TMEM94: variants seen among roughly 807,000 people sequenced by gnomAD.
The protein encoded by TMEM94 is ER Mg2+ ATPase.
Under a neutral mutation model 158.6 loss-of-function variants are expected in TMEM94, and 81 were observed. That is an observed-to-expected ratio of 0.51 (90% CI 0.43 to 0.61). The LOEUF is 0.61. TMEM94 is among the 20% of genes least tolerant of loss of function. The probability of loss-of-function intolerance (pLI) is 0.00; values close to 1 mark genes in which losing one functional copy is unlikely to be tolerated. For synonymous variants in TMEM94, 751 were observed against 730.7 expected, an observed-to-expected ratio of 1.03 and a Z score of -0.45; for missense variants, 1,435 against 1,762.0, an observed-to-expected ratio of 0.81 and a Z score of 3.32.
chr17:75,456,967 C>T (rs552803905), intron 1 of TMEM94, among the ~76,000 whole-genome samples: 1 of 152,220 alleles, frequency 6.6e-6, no homozygotes, highest in African/African-American at 2.4e-5. Flanking sequence ...GACTCTTGCT[C>T]TCAGCCCTGG....
At position 75,482,515 on chromosome 17, in the gene TMEM94, A is replaced by AAT. The variant is rs201610153; in HGVS notation, c.25-2902_25-2901dup. Among the ~76,000 whole-genome samples the AAT allele has an allele frequency of 2.8e-3, 378 of 134,520 alleles. 1 individual carries two copies. The highest frequency in any genetic ancestry group is 0.01 in the Middle Eastern group (3 of 288). 88.3% of individuals were successfully genotyped at this position (134,520 alleles called of 152,430 possible). A position where few individuals can be genotyped will look rare whatever the true frequency, so the allele number is the denominator to read the frequency against. On this transcript the variant is annotated intron_variant, in intron 2 of 31. Coordinates refer to ENST00000314256, the MANE Select transcript of TMEM94 (RefSeq NM_014738.6). The stretch of plus-strand genomic sequence containing the variant: ...GAGCAAGACCCTGTCTCAATTTAAA[A>AAT]ATATATATATATGTATGTATGTATG...
chr17:75,496,611 C>A, intron 24 of TMEM94, 119 bp from the exon 25 acceptor site: 4 of 1,372,884 alleles, frequency 2.9e-6, no homozygotes, highest in Non-Finnish European at 4.1e-6. Flanking sequence ...GTTACATTCG[C>A]CTCTGCTCCC....
chr17:75,465,324 T>C (rs1206675017), intron 1 of TMEM94, among the ~76,000 whole-genome samples: 1 of 152,112 alleles, frequency 6.6e-6, no homozygotes, highest in Non-Finnish European at 1.5e-5. Flanking sequence ...CTCATTGTGG[T>C]TTTAATTTTT....
intron 18 of TMEM94, 73 bp downstream of exon 18, chr17:75,493,989 G>A: frequency 6.9e-7 from 1 of 1,445,154 alleles, no homozygotes; most frequent in African/African-American, 1.4e-5. Context: ...GAGCAGGGAG[G>A]GCGTCTGGAG....
At position 75,491,196 on chromosome 17, in the gene TMEM94, C is replaced by G; in HGVS notation, c.1233+43C>G. The G allele has an allele frequency of 6.3e-7, 1 of 1,595,058 alleles. No individual in the cohort carries two copies. The highest frequency in any genetic ancestry group is 8.6e-7 in the Non-Finnish European group (1 of 1,167,926). On this transcript the variant is annotated intron_variant, in intron 12 of 31. Transcript: ENST00000314256. The surrounding 1 kb of genome is among the most constrained non-coding windows in gnomAD (Gnocchi z 5.1). ...GGGGAGGAGGCAACTGTCATGCCCGCCCTGCTCTCTGGCTGGGCCTGGGCT... is the reference window on the plus strand; with the variant it reads ...GGGGAGGAGGCAACTGTCATGCCCGGCCTGCTCTCTGGCTGGGCCTGGGCT...
intron 27 of TMEM94, 26 bp downstream of exon 27, chr17:75,497,888 T>C: frequency 6.3e-7 from 1 of 1,594,658 alleles, no homozygotes; most frequent in Non-Finnish European, 8.6e-7. Flanking sequence ...CCTGTGAGCC[T>C]TGCAAGTGAG....
intron 1 of TMEM94, among the ~76,000 whole-genome samples, chr17:75,465,352 G>C (rs1273846982): frequency 1.3e-5 from 2 of 151,896 alleles, no homozygotes; most frequent in African/African-American, 4.8e-5. Context: ...AATAATTAAT[G>C]TTGTTGACCA....
Position 75,491,198 on chromosome 17 carries a change from C to G in TMEM94, c.1233+45C>G. 6.3e-7 allele frequency: 1 copy of G among 1,594,808 alleles called. No homozygotes were observed. The highest frequency in any genetic ancestry group is 1.7e-4 in the Middle Eastern group (1 of 5,912). On this transcript the variant is annotated intron_variant, in intron 12 of 31. Coordinates refer to ENST00000314256, the MANE Select transcript of TMEM94 (RefSeq NM_014738.6). The surrounding 1 kb of genome is among the most constrained non-coding windows in gnomAD (Gnocchi z 5.1). ...GGAGGAGGCAACTGTCATGCCCGCC[C>G]TGCTCTCTGGCTGGGCCTGGGCTGC...
In TMEM94 at chr17:75,496,798, G is replaced by A. The variant is rs1406731538; in HGVS notation, c.3312G>A (p.Val1104=). ...TGCTGCAGTGCCAGCTGACTCTTGT[G>A]GTCATCCAGGTGAGGTGGGGCCCGC... ...LFLLQCQLTL[V]VIQFLSCLVQ... is the part of the protein sequence containing the mutation. Residue 1104 remains valine (V), a synonymous_variant, in exon 25 of 32, where the codon GTG becomes GTA. Transcript: ENST00000314256. 4.3e-6 allele frequency: 7 copies of A among 1,613,612 alleles called. No homozygotes were observed. In the South Asian group the frequency reaches 6.6e-5, roughly 15 times the overall value.
chr17:75,465,671 A>T (rs1162258121), intron 1 of TMEM94, among the ~76,000 whole-genome samples: 6 of 82,470 alleles, frequency 7.3e-5, no homozygotes, highest in African/African-American at 2.8e-4. Context: ...ATATATATAT[A>T]TATATATATT....
Position 75,492,088 on chromosome 17 carries a change from C to G in TMEM94, c.1596+188C>G. 2.6e-6 allele frequency: 2 copies of G among 773,020 alleles called. No individual in the cohort carries two copies. The highest frequency in any genetic ancestry group is 2.0e-6 in the Non-Finnish European group (1 of 490,066). 47.9% of individuals were successfully genotyped at this position (773,020 alleles called of 1,614,324 possible). On this transcript the variant is annotated intron_variant, in intron 14 of 31. Transcript: ENST00000314256. This position sits in a 1 kb window ranked among gnomAD's most constrained non-coding sequence, Gnocchi z 4.4. ...TGCTGCGAAGTAGGTGGAGCCTCCC[C>G]CTACCCTTCCATTCTTGTAATCGCA... is the stretch of plus-strand genomic sequence containing the variant.
chr17:75,477,748 C>T (rs978387755), intron 2 of TMEM94, among the ~76,000 whole-genome samples: 46 of 151,932 alleles, frequency 3.0e-4, no homozygotes, highest in Admixed American at 9.2e-4. Flanking sequence ...CAGTGGTTCA[C>T]GCCTGAATTC....
In TMEM94 at chr17:75,495,031, C is replaced by T; in HGVS notation, c.2725C>T (p.Gln909Ter). ...AGGCTCCCTGCATGATGACCTGAAT[C>T]AGGGTAAGGGCAAAGGCGTGGGGTG... is the stretch of plus-strand genomic sequence containing the variant. The part of the protein sequence containing the change: ...HAGSLHDDLN[Q>*]VSRDDAEGLL... Residue 909 changes from glutamine to a stop codon, truncating the protein, a stop_gained, in exon 20 of 32, where the codon CAG (glutamine) becomes TAG (stop). Transcript: ENST00000314256. LOFTEE classifies it high-confidence loss of function. This position sits in a 1 kb window ranked among gnomAD's most constrained non-coding sequence, Gnocchi z 5.6. The T allele has an allele frequency of 6.2e-7, 1 of 1,612,898 alleles. No homozygotes were observed. The highest frequency in any genetic ancestry group is 8.5e-7 in the Non-Finnish European group (1 of 1,179,910).
intron 2 of TMEM94, among the ~76,000 whole-genome samples, chr17:75,476,238 CAG>C (rs1263207198): frequency 6.6e-6 from 1 of 152,184 alleles, no homozygotes; most frequent in Non-Finnish European, 1.5e-5. Context: ...GTTTCTGGGA[CAG>C]GGGCAGTTTC....
chr17:75,463,101 T>TAC (rs2050156669), intron 1 of TMEM94, among the ~76,000 whole-genome samples: 1 of 12,450 alleles, frequency 8.0e-5, no homozygotes, highest in Non-Finnish European at 1.6e-4. Flanking sequence ...CACATATATA[T>TAC]GTGTGTATAT....
At position 75,492,557 on chromosome 17, in the gene TMEM94, G is replaced by C; in HGVS notation, c.1680G>C (p.Gln560His). Residue 560 changes from glutamine to histidine, a missense_variant, in exon 15 of 32, where the codon CAG becomes CAC. Gln to His is a conservative substitution (Grantham distance 24). Around this residue, in one of 3 missense-constraint regions of TMEM94, gnomAD observed 1,051 missense variants for 1,254.4 expected, o/e 0.84. Coordinates refer to ENST00000314256, the MANE Select transcript of TMEM94 (RefSeq NM_014738.6). This position sits in a 1 kb window ranked among gnomAD's most constrained non-coding sequence, Gnocchi z 4.4. ...ACCTGGAGATGCTGAGCCTGTCCCA[G>C]GACCAGCAGAACCCCTCCTGCATCC... ...DYHLEMLSLSQDQQNPSCIQF... is the reference protein window; with the variant it reads ...DYHLEMLSLSHDQQNPSCIQF... 1 of 1,614,012 alleles carries C rather than the reference G, an allele frequency of 6.2e-7. No individual in the cohort carries two copies. Among genetic ancestry groups the C allele is most frequent in the Non-Finnish European group, 8.5e-7 (1 of 1,179,992 alleles).
chr17:75,486,013 G>C lies in TMEM94; in HGVS notation c.272+15G>C, dbSNP rs1371283530. The C allele has an allele frequency of 1.3e-6, 2 of 1,521,622 alleles. No individual in the cohort carries two copies. The highest frequency in any genetic ancestry group is 3.8e-5 in the African/African-American group (2 of 52,166). 94.3% of individuals were successfully genotyped at this position (1,521,622 alleles called of 1,614,324 possible). ...CCAGCCGGGAGGTGTGCGCCCAGGG[G>C]CTGCTCCCCAACCTCTCCAGCTGTG... On this transcript the variant is annotated intron_variant, in intron 4 of 31. Transcript: ENST00000314256.
chr17:75,499,726 C>G lies in TMEM94; in HGVS notation c.*392C>G, dbSNP rs1218114175. ...CCCTGGACACGGCCTTGAAGCCAACCTTCTTTGGAGGAGCAACAGCAGCAG... is the reference window on the plus strand; with the variant it reads ...CCCTGGACACGGCCTTGAAGCCAACGTTCTTTGGAGGAGCAACAGCAGCAG... On this transcript the variant is annotated 3_prime_UTR_variant, in exon 32 of 32. Coordinates refer to ENST00000314256, the MANE Select transcript of TMEM94 (RefSeq NM_014738.6). The G allele has an allele frequency of 5.3e-6, 1 of 188,996 alleles. No individual in the cohort carries two copies. The highest frequency in any genetic ancestry group is 1.1e-5 in the Non-Finnish European group (1 of 89,854). The allele number at this position is 188,996 out of a possible 1,614,324, so 11.7% of individuals were successfully genotyped here. A position where few individuals can be genotyped will look rare whatever the true frequency, so the allele number is the denominator to read the frequency against.
Position 75,462,001 on chromosome 17 carries a change from G to GTTTTTTTTTTTTTTTTTTT in TMEM94, c.-107+5254_-107+5255insTTTTTTTTTTTTTTTTTTT, listed in dbSNP as rs1230233393. On this transcript the variant is annotated intron_variant, in intron 1 of 31. Transcript: ENST00000314256. Reference sequence around the variant, plus strand: ...TAAATTTTACAGTTTTTTTTGTTTTGTTTTGTTTTGTTTTTTTTTTTTTTG... The same window carrying GTTTTTTTTTTTTTTTTTTT: ...TAAATTTTACAGTTTTTTTTGTTTTGTTTTTTTTTTTTTTTTTTTTTTTGTTTTGTTTTTTTTTTTTTTG... 1.3e-4 allele frequency among the ~76,000 whole-genome samples: 11 copies of GTTTTTTTTTTTTTTTTTTT among 85,660 alleles called. 2 individuals are homozygous for GTTTTTTTTTTTTTTTTTTT. The highest frequency in any genetic ancestry group is 2.9e-4 in the East Asian group (1 of 3,444). The allele number at this position is 85,660 out of a possible 152,430, so 56.2% of individuals were successfully genotyped here. A position where few individuals can be genotyped will look rare whatever the true frequency, so the allele number is the denominator to read the frequency against.
Sources: gnomAD v4.1 joint callset for allele counts (sites outside exome capture counted in the v4.1 genomes callset) on GRCh38, gnomAD v4.1.1 for gene constraint, gnomAD v4.1.1 regional missense constraint, Gnocchi (gnomAD v3.1) non-coding constraint, MANE v1.5 for transcripts, NCBI Gene and HGNC (gene_info 2026-07-23, HGNC 2026-07-21) for gene names.